The following CYP4F2 variants were observed in gnomAD, a reference collection of about 807,000 sequenced individuals.
The protein encoded by CYP4F2 is cytochrome P450 family 4 subfamily F member 2.
A neutral mutation model predicts 58.9 loss-of-function variants in CYP4F2; 58 were observed. The ratio of observed to expected loss-of-function variants is 0.98; its 90% confidence interval spans 0.80 to 1.23. CYP4F2 has a LOEUF of 1.23. Ranked by LOEUF, CYP4F2 falls within the 50% of genes most tolerant of loss-of-function variation. The pLI is 0.00. For synonymous variants in CYP4F2, 287 were observed against 261.1 expected, an observed-to-expected ratio of 1.10 and a Z score of -0.95; for missense variants, 616 against 685.6, an observed-to-expected ratio of 0.90 and a Z score of 1.13.
At chr19:15,894,709 T>C (rs922001326) in intron 3 of CYP4F2, among the ~76,000 whole-genome samples, 4 of 152,096 alleles carry the variant, frequency 2.6e-5, no homozygotes, top group Admixed American at 2.6e-4. Flanking sequence ...ACTCAGCATT[T>C]TGAGGTCAGA....
intron 9 of CYP4F2, among the ~76,000 whole-genome samples, chr19:15,883,169 T>C (rs1391132059): frequency 3.9e-5 from 6 of 152,084 alleles, no homozygotes; most frequent in African/African-American, 7.2e-5. Flanking sequence ...GTCAACAAAG[T>C]GAAGAATCAA....
At chr19:15,888,322 A>T (rs1377444229) in intron 7 of CYP4F2, among the ~76,000 whole-genome samples, 1 of 152,232 alleles carries the variant, frequency 6.6e-6, no homozygotes, top group African/African-American at 2.4e-5. Context: ...AAACACAGAC[A>T]CACAAATACA....
rs777992718 is a variant in CYP4F2 at position 15,878,793 on chromosome 19, A to G, written c.1541T>C (p.Leu514Pro). ...LVLRAEGGLW[L>P]RVEPLS ...AACTCAGCTCAGGGGCTCCACCCGC[A>G]GCCAAAGTCCGCCCTCTGCGCGCAG... is the stretch of plus-strand genomic sequence containing the variant. The change falls in exon 13 of 13, where the codon CTG (leucine) becomes CCG (proline). Residue 514 changes from leucine to proline, a missense_variant. Transcript: ENST00000221700. 1.2e-6 allele frequency: 2 copies of G among 1,613,484 alleles called. No individual in the cohort carries two copies. The highest frequency in any genetic ancestry group is 1.3e-5 in the African/African-American group (1 of 74,912).
intron 12 of CYP4F2, 87 bp downstream of exon 12, chr19:15,879,259 T>C (rs931433243): frequency 1.4e-4 from 215 of 1,510,488 alleles, no homozygotes; most frequent in South Asian, 3.2e-4. Context: ...ACTTGGACCA[T>C]CTACAATGTC....
intron 3 of CYP4F2, among the ~76,000 whole-genome samples, chr19:15,893,228 C>T (rs971365237): frequency 3.3e-5 from 5 of 152,122 alleles, no homozygotes; most frequent in African/African-American, 7.2e-5. Context: ...ATAACACATG[C>T]CTCAGACAAG....
intron 9 of CYP4F2, among the ~76,000 whole-genome samples, chr19:15,883,931 C>T (rs144608647): frequency 6.6e-6 from 1 of 152,096 alleles, no homozygotes; most frequent in Non-Finnish European, 1.5e-5. Context: ...TGGTGGTGTG[C>T]ACCCATAGTC....
rs1330599772 is a variant in CYP4F2 at position 15,888,897 on chromosome 19, C to T, written c.918+526G>A. On this transcript the variant is annotated intron_variant, in intron 7 of 12. Coordinates refer to ENST00000221700, the MANE Select transcript of CYP4F2 (RefSeq NM_001082.5). ...AAAAAGACAAAGGCATAGACGCAGA[C>T]ACAGATATACACATACACATAGACA... Among the ~76,000 whole-genome samples, 5 of 152,166 alleles carry T rather than the reference C, an allele frequency of 3.3e-5. No homozygotes were observed. The East Asian group carries it at 9.6e-4, about 29-fold the overall frequency.
chr19:15,886,056 G>A lies in CYP4F2; in HGVS notation c.986-3C>T. ...ACCACTGGCCGTGGTGTCATGGCCT[G>A]GGGGGCAGCAAGGCAGGCTTGGGTC... On this transcript the variant is annotated splice_region_variant and splice_polypyrimidine_tract_variant and intron_variant, in intron 8 of 12. Coordinates refer to ENST00000221700, the MANE Select transcript of CYP4F2 (RefSeq NM_001082.5). 6 of 1,612,746 alleles carry A rather than the reference G, an allele frequency of 3.7e-6. No homozygotes were observed. Among genetic ancestry groups the A allele is most frequent in the Non-Finnish European group, 5.1e-6 (6 of 1,179,242 alleles).
chr19:15,896,046 G>A (rs1160296279), intron 2 of CYP4F2, among the ~76,000 whole-genome samples: 4 of 147,738 alleles, frequency 2.7e-5, no homozygotes, highest in Non-Finnish European at 6.0e-5. Flanking sequence ...GCATCCATAT[G>A]TCCTATTATT....
chr19:15,878,675 A>T lies in CYP4F2; in HGVS notation c.*96T>A. 1.3e-6 allele frequency: 2 copies of T among 1,500,360 alleles called. No individual in the cohort carries two copies. Among genetic ancestry groups the T allele is most frequent in the Non-Finnish European group, 1.8e-6 (2 of 1,114,304 alleles). The allele number at this position is 1,500,360 out of a possible 1,614,324, so 92.9% of individuals were successfully genotyped here. Reference sequence around the variant, plus strand: ...TTTGAGTAGATATCTAGGATGGAATACAGGACTGTGGAACAGGGTCTTAGG... The same window carrying T: ...TTTGAGTAGATATCTAGGATGGAATTCAGGACTGTGGAACAGGGTCTTAGG... On this transcript the variant is annotated 3_prime_UTR_variant, in exon 13 of 13. Coordinates refer to ENST00000221700, the MANE Select transcript of CYP4F2 (RefSeq NM_001082.5).
intron 12 of CYP4F2, 31 bp downstream of exon 12, chr19:15,879,315 C>T (rs1420067687): frequency 1.9e-6 from 3 of 1,612,252 alleles, no homozygotes; most frequent in South Asian, 2.2e-5. Flanking sequence ...CCCATCAACC[C>T]GTTCCCACCT....
intron 9 of CYP4F2, among the ~76,000 whole-genome samples, chr19:15,881,820 A>C (rs1303996496): frequency 6.6e-6 from 1 of 152,124 alleles, no homozygotes; most frequent in Non-Finnish European, 1.5e-5. Flanking sequence ...AAAAAGAAAG[A>C]AAACTTATTT....
Position 15,892,445 on chromosome 19 carries a change from G to T in CYP4F2, c.398-9C>A. On this transcript the variant is annotated splice_polypyrimidine_tract_variant and intron_variant, in intron 4 of 12. Coordinates refer to ENST00000221700, the MANE Select transcript of CYP4F2 (RefSeq NM_001082.5). ...CAGCAGGAGCCCATCCCCTAGCAGGGCAGCCAAGGGCCATGGGCAAGGACC... is the reference window on the plus strand; with the variant it reads ...CAGCAGGAGCCCATCCCCTAGCAGGTCAGCCAAGGGCCATGGGCAAGGACC... The T allele has an allele frequency of 1.9e-6, 3 of 1,614,162 alleles. No individual in the cohort carries two copies. Among genetic ancestry groups the T allele is most frequent in the Non-Finnish European group, 2.5e-6 (3 of 1,180,010 alleles).
At chr19:15,888,764 T>TATAGACATAGCATTGAC (rs2089398231) in intron 7 of CYP4F2, among the ~76,000 whole-genome samples, 5 of 151,878 alleles carry the variant, frequency 3.3e-5, no homozygotes, top group Non-Finnish European at 7.4e-5. Flanking sequence ...CAGACAAAGA[T>TATAGACATAGCATTGAC]ATAGACATAG....
At chr19:15,897,284 T>C (rs1390475922) in intron 2 of CYP4F2, 130 bp downstream of exon 2, 1 of 972,372 alleles carries the variant, frequency 1.0e-6, no homozygotes, top group Admixed American at 2.5e-5. Flanking sequence ...GAGGAATGAG[T>C]AAGATGCCTC....
Position 15,878,585 on chromosome 19 carries a change from T to C in CYP4F2, c.*186A>G. 1.3e-5 allele frequency: 12 copies of C among 957,436 alleles called. No homozygotes were observed. The highest frequency in any genetic ancestry group is 1.8e-5 in the Non-Finnish European group (12 of 661,246). 59.3% of individuals were successfully genotyped at this position (957,436 alleles called of 1,614,324 possible). ...GGTTGTTTTCATCGTTTGGCTACTG[T>C]GAATAGGGCCGCCATGAACATTCAC... On this transcript the variant is annotated 3_prime_UTR_variant, in exon 13 of 13. Coordinates refer to ENST00000221700, the MANE Select transcript of CYP4F2 (RefSeq NM_001082.5).
At chr19:15,888,013 CATAGACACAGATATAGAT>C (rs1487812927) in intron 7 of CYP4F2, among the ~76,000 whole-genome samples, 1 of 101,018 alleles carries the variant, frequency 9.9e-6, no homozygotes. Context: ...TAAACATAGA[CATAGACACAGATATAGAT>C]ATAGACACAG....
At chr19:15,881,765 T>C (rs1047764970) in intron 9 of CYP4F2, among the ~76,000 whole-genome samples, 1 of 151,532 alleles carries the variant, frequency 6.6e-6, no homozygotes, top group Non-Finnish European at 1.5e-5. Context: ...TCATTTTCCA[T>C]GTGGTGTGTA....
chr19:15,889,346 A>T, intron 7 of CYP4F2, 77 bp downstream of exon 7: 1 of 1,609,256 alleles, frequency 6.2e-7, no homozygotes, highest in Non-Finnish European at 8.5e-7. Flanking sequence ...CCTCTTAATC[A>T]AGTTCAAATC....
Sources: allele counts gnomAD v4.1 joint callset (sites outside exome capture counted in the v4.1 genomes callset), GRCh38; gene constraint gnomAD v4.1.1; transcripts MANE v1.5; gene names NCBI Gene and HGNC (gene_info 2026-07-23, HGNC 2026-07-21).